The following GJB7 variants were observed in gnomAD, a reference collection of about 807,000 sequenced individuals.
The protein encoded by GJB7 is gap junction protein beta 7.
For synonymous variants in GJB7, 87 were observed against 95.2 expected (o/e 0.91, Z 0.50); for missense variants, 253 against 256.8 (o/e 0.99, Z 0.10).
chr6:87,287,367 C>T (rs1440851708), intron 2 of GJB7, among the ~76,000 whole-genome samples: 3 of 152,178 alleles, frequency 2.0e-5, no homozygotes, highest in South Asian at 2.1e-4. Context: ...GATGTTCCAA[C>T]AGCACACATG....
rs142532626 is a variant in GJB7 at position 87,316,994 on chromosome 6, T to C, written c.-28+5872A>G. On this transcript the variant is annotated intron_variant, in intron 2 of 2. Transcript: ENST00000525899. ...CATCAGCCACATACCATCCTCTGTG[T>C]TATATCCAGGCCAAACAACATATAA... 2.7e-3 allele frequency among the ~76,000 whole-genome samples: 417 copies of C among 152,206 alleles called. 4 individuals are homozygous for C. The highest frequency in any genetic ancestry group is 8.3e-3 in the African/African-American group (343 of 41,504).
intron 2 of GJB7, chr6:87,300,246 T>C: frequency 5.1e-6 from 1 of 194,398 alleles, no homozygotes. Context: ...TTATGCAAAG[T>C]TCCTAAGAAG....
intron 2 of GJB7, among the ~76,000 whole-genome samples, chr6:87,302,696 C>T (rs564357463): frequency 9.9e-5 from 15 of 152,142 alleles, no homozygotes; most frequent in African/African-American, 3.4e-4. Context: ...AGATACTCCT[C>T]GAGAAGAGCA....
intron 2 of GJB7, chr6:87,299,879 G>A (rs543140927): frequency 9.9e-5 from 23 of 233,122 alleles, no homozygotes; most frequent in Middle Eastern, 1.6e-3. Context: ...TCAAGAAATC[G>A]TTGAGCAGTT....
At chr6:87,304,864 G>C (rs938055571) in intron 2 of GJB7, among the ~76,000 whole-genome samples, 2 of 152,156 alleles carry the variant, frequency 1.3e-5, no homozygotes, top group Non-Finnish European at 2.9e-5. Context: ...TGCAAGGCTG[G>C]TTCAACATAT....
intron 2 of GJB7, among the ~76,000 whole-genome samples, chr6:87,318,659 AC>A (rs1378856664): frequency 6.6e-6 from 1 of 152,008 alleles, no homozygotes; most frequent in African/African-American, 2.4e-5. Flanking sequence ...CACAAGGGTG[AC>A]CCCCCAGAGT....
At chr6:87,304,465 A>G (rs1330993320) in intron 2 of GJB7, among the ~76,000 whole-genome samples, 1 of 152,214 alleles carries the variant, frequency 6.6e-6, no homozygotes, top group Admixed American at 6.5e-5. Flanking sequence ...CCCTCCCAAG[A>G]CTAAACCAGG....
chr6:87,317,179 AC>A (rs2127909942), intron 2 of GJB7, among the ~76,000 whole-genome samples: 1 of 140,934 alleles, frequency 7.1e-6, no homozygotes, highest in African/African-American at 2.7e-5. Context: ...ACAGGGTGAG[AC>A]CCTGTCTCTA....
intron 2 of GJB7, among the ~76,000 whole-genome samples, chr6:87,296,307 C>G (rs1010274156): frequency 3.9e-5 from 6 of 152,216 alleles, no homozygotes; most frequent in Non-Finnish European, 5.9e-5. Flanking sequence ...ACCACTTTCA[C>G]ACATACCCCC....
At chr6:87,293,885 G>A (rs1776213969) in intron 2 of GJB7, among the ~76,000 whole-genome samples, 1 of 152,220 alleles carries the variant, frequency 6.6e-6, no homozygotes, top group African/African-American at 2.4e-5. Flanking sequence ...GAAGCTGGAA[G>A]ACGGAGAAAT....
chr6:87,303,056 C>T (rs548601992), intron 2 of GJB7, among the ~76,000 whole-genome samples: 3 of 152,190 alleles, frequency 2.0e-5, no homozygotes, highest in Non-Finnish European at 4.4e-5. Flanking sequence ...CAACCAGTAC[C>T]AGCCACTGCA....
chr6:87,295,763 G>GTCCC (rs1477373469), intron 2 of GJB7, among the ~76,000 whole-genome samples: 12 of 152,142 alleles, frequency 7.9e-5, no homozygotes, highest in Admixed American at 3.3e-4. Context: ...GTCCCAGCCA[G>GTCCC]ATACCCTGTC....
chr6:87,328,929 A>G (rs1367802482), intron 1 of GJB7, among the ~76,000 whole-genome samples: 5 of 151,952 alleles, frequency 3.3e-5, no homozygotes, highest in African/African-American at 4.8e-5. Context: ...GACCCTCCGA[A>G]CCACGTGCGG....
chr6:87,287,891 C>G (rs894891687), intron 2 of GJB7, among the ~76,000 whole-genome samples: 2 of 151,982 alleles, frequency 1.3e-5, no homozygotes, highest in Non-Finnish European at 2.9e-5. Flanking sequence ...TTATAAATGT[C>G]CATCCTATTT....
chr6:87,290,807 G>A (rs1233189452), intron 2 of GJB7, among the ~76,000 whole-genome samples: 1 of 152,184 alleles, frequency 6.6e-6, no homozygotes, highest in Non-Finnish European at 1.5e-5. Flanking sequence ...ACTGCAGTGT[G>A]GAGTAGTTGC....
At chr6:87,308,809 A>T (rs1486124418) in intron 2 of GJB7, among the ~76,000 whole-genome samples, 1 of 147,982 alleles carries the variant, frequency 6.8e-6, no homozygotes, top group Non-Finnish European at 1.5e-5. Flanking sequence ...GCAACCAGAT[A>T]AAAAAAAATG....
At chr6:87,299,115 C>T in intron 2 of GJB7, 3 of 487,916 alleles carry the variant, frequency 6.1e-6, no homozygotes, top group Admixed American at 2.2e-5. Context: ...ATTGTACTGC[C>T]ATGCTCTTTT....
At chr6:87,323,944 T>A (rs1356529704) in intron 1 of GJB7, among the ~76,000 whole-genome samples, 2 of 151,842 alleles carry the variant, frequency 1.3e-5, no homozygotes, top group African/African-American at 4.8e-5. Context: ...TGTTGTTTCC[T>A]GACTTTTTAA....
At chr6:87,290,844 C>T (rs562713571) in intron 2 of GJB7, among the ~76,000 whole-genome samples, 1 of 152,320 alleles carries the variant, frequency 6.6e-6, no homozygotes, top group South Asian at 2.1e-4. Flanking sequence ...CCCTCAAAAC[C>T]TAAAATATTT....
Sources: gnomAD v4.1 joint callset for allele counts (sites outside exome capture counted in the v4.1 genomes callset) on GRCh38, gnomAD v4.1.1 for gene constraint, MANE v1.5 for transcripts, NCBI Gene and HGNC (gene_info 2026-07-23, HGNC 2026-07-21) for gene names.